PDE4B: variants seen among roughly 807,000 people sequenced by gnomAD.
PDE4B encodes 3',5'-cyclic-AMP phosphodiesterase 4B.
In PDE4B, 20 loss-of-function variants were observed where a neutral mutation model predicts 82.2. The observed-to-expected ratio is 0.24, with a 90% CI of 0.17 to 0.35. The LOEUF (loss-of-function observed/expected upper bound fraction) is 0.35, where lower values mean the gene tolerates loss of function less well. Ranked by LOEUF, PDE4B falls within the 10% of genes least tolerant of loss-of-function variation. PDE4B has a pLI of 1.00. For missense variants in PDE4B, 655 were observed against 907.2 expected (o/e 0.72, Z 3.57); for synonymous variants, 320 against 318.9 (o/e 1.00, Z -0.04).
chr1:65,961,232 A>G lies in PDE4B; in HGVS notation c.281+42397A>G, dbSNP rs1649527261. Among the ~76,000 whole-genome samples the G allele has an allele frequency of 4.6e-5, 7 of 152,270 alleles. No individual in the cohort carries two copies. In the South Asian group the frequency reaches 1.4e-3, roughly 32 times the overall value. On this transcript the variant is annotated intron_variant, in intron 3 of 16. Transcript: ENST00000341517. Reference sequence around the variant, plus strand: ...GTCCAAAAGCCTTCTTTGAAGAGGGAAAAAACTGAGCAAAGACTTGAATGA... The same window carrying G: ...GTCCAAAAGCCTTCTTTGAAGAGGGGAAAAACTGAGCAAAGACTTGAATGA...
At chr1:66,173,912 G>A (rs1016109915) in intron 3 of PDE4B, among the ~76,000 whole-genome samples, 1 of 151,978 alleles carries the variant, frequency 6.6e-6, no homozygotes, top group African/African-American at 2.4e-5. Flanking sequence ...TCAGCCTCCT[G>A]AGTAGCAGGA....
chr1:66,189,434 A>G (rs1314182410), intron 3 of PDE4B, among the ~76,000 whole-genome samples: 1 of 152,186 alleles, frequency 6.6e-6, no homozygotes, highest in Non-Finnish European at 1.5e-5. Flanking sequence ...GTGTTTTCCA[A>G]CTTGGTTCCA....
intron 3 of PDE4B, among the ~76,000 whole-genome samples, chr1:65,945,797 T>G (rs1648683509): frequency 6.6e-6 from 1 of 151,964 alleles, no homozygotes; most frequent in African/African-American, 2.4e-5. Flanking sequence ...CTGCAGTGGA[T>G]TCTGTCTGGT....
In PDE4B at chr1:65,798,452, G is replaced by A. The variant is rs1431661354; in HGVS notation, c.-71+5204G>A. Among the ~76,000 whole-genome samples, 2 of 88,022 alleles carry A rather than the reference G, an allele frequency of 2.3e-5. 1 individual carries two copies. The highest frequency in any genetic ancestry group is 1.7e-4 in the African/African-American group (2 of 11,960). The allele number at this position is 88,022 out of a possible 152,430, so 57.7% of individuals were successfully genotyped here. On this transcript the variant is annotated intron_variant, in intron 1 of 16. Coordinates refer to ENST00000341517, the MANE Select transcript of PDE4B (RefSeq NM_002600.4). The stretch of plus-strand genomic sequence containing the variant: ...TTTTTGTATTTTTAGTAGAGACGGG[G>A]TTTCACCTTGTTAGCCAGGATGGTC...
chr1:66,242,502 T>C (rs1321792911), intron 3 of PDE4B, among the ~76,000 whole-genome samples: 1 of 152,206 alleles, frequency 6.6e-6, no homozygotes, highest in Non-Finnish European at 1.5e-5. Flanking sequence ...AATGACTAAG[T>C]TGCGAAAGAA....
At chr1:66,047,613 T>G (rs1332940254) in intron 3 of PDE4B, among the ~76,000 whole-genome samples, 2 of 150,904 alleles carry the variant, frequency 1.3e-5, no homozygotes, top group African/African-American at 4.9e-5. Flanking sequence ...ATTTTAGAGG[T>G]GGCAGAAAGT....
intron 3 of PDE4B, among the ~76,000 whole-genome samples, chr1:66,123,773 C>G (rs929137050): frequency 3.9e-5 from 6 of 152,120 alleles, no homozygotes; most frequent in African/African-American, 1.2e-4. Flanking sequence ...TTTCAAAATA[C>G]GTAGAAGAAT....
chr1:66,040,118 C>T (rs887333404), intron 3 of PDE4B, among the ~76,000 whole-genome samples: 1 of 152,006 alleles, frequency 6.6e-6, no homozygotes. Flanking sequence ...ACTGGTTACT[C>T]AGGATTCTAT....
chr1:65,845,918 A>G (rs1361414656), intron 1 of PDE4B, among the ~76,000 whole-genome samples: 1 of 152,172 alleles, frequency 6.6e-6, no homozygotes, highest in East Asian at 1.9e-4. Context: ...AGAATAGGGA[A>G]GTAAATTACC....
chr1:66,229,018 T>C (rs1211294826), intron 3 of PDE4B, among the ~76,000 whole-genome samples: 1 of 149,624 alleles, frequency 6.7e-6, no homozygotes, highest in Non-Finnish European at 1.5e-5. Context: ...CCCCAGAGGC[T>C]TTTTTTTGAG....
At chr1:65,835,287 C>CTA (rs1646128032) in intron 1 of PDE4B, among the ~76,000 whole-genome samples, 1 of 152,116 alleles carries the variant, frequency 6.6e-6, no homozygotes, top group South Asian at 2.1e-4. Flanking sequence ...AATCATCCCT[C>CTA]TCTGTTCTCC....
At chr1:66,337,294 A>C (rs1346122476) in intron 8 of PDE4B, among the ~76,000 whole-genome samples, 2 of 152,144 alleles carry the variant, frequency 1.3e-5, no homozygotes, top group African/African-American at 4.8e-5. Context: ...GGAAGTAAGG[A>C]GTTGGCCGGG....
chr1:66,365,129 A>G (rs544292030), intron 12 of PDE4B, among the ~76,000 whole-genome samples: 1 of 152,280 alleles, frequency 6.6e-6, no homozygotes, highest in South Asian at 2.1e-4. Context: ...TCCCCTAGTA[A>G]GTGATTAGTG....
intron 3 of PDE4B, among the ~76,000 whole-genome samples, chr1:65,975,975 C>A (rs1475697056): frequency 6.6e-6 from 1 of 152,220 alleles, no homozygotes; most frequent in Non-Finnish European, 1.5e-5. Flanking sequence ...GAAGCTCCCA[C>A]ACAGAGTCCC....
chr1:65,931,232 C>T (rs903400422), intron 3 of PDE4B, among the ~76,000 whole-genome samples: 16 of 152,210 alleles, frequency 1.1e-4, no homozygotes, highest in Admixed American at 3.9e-4. Flanking sequence ...GAAGCAGAAG[C>T]AGCTATGCTT....
chr1:65,830,911 A>G (rs76196365), intron 1 of PDE4B, among the ~76,000 whole-genome samples: 4,643 of 152,218 alleles, frequency 0.031, 177 homozygotes, highest in East Asian at 0.13. Context: ...GTACAAAATA[A>G]TTCTCTGAAT....
At chr1:65,848,649 T>C (rs769625394) in intron 1 of PDE4B, among the ~76,000 whole-genome samples, 6 of 152,232 alleles carry the variant, frequency 3.9e-5, no homozygotes, top group Non-Finnish European at 8.8e-5. Flanking sequence ...ATATACTCTT[T>C]TGTGGCTGGC....
In PDE4B at chr1:66,247,586, C is replaced by T. The variant is rs1464248520; in HGVS notation, c.408C>T (p.Tyr136=). Residue 136 remains tyrosine, a synonymous_variant, in exon 4 of 17, where the codon TAC becomes TAT. Transcript: ENST00000341517. The stretch of plus-strand genomic sequence containing the variant: ...GCCAGCGCAGAGAGTCATTTCTCTA[C>T]AGATCAGACAGCGACTATGACTTGT... ...GHSQRRESFL[Y]RSDSDYDLSP... 7 of 1,610,798 alleles carry T rather than the reference C, an allele frequency of 4.3e-6. No homozygotes were observed. The highest frequency in any genetic ancestry group is 1.1e-5 in the South Asian group (1 of 90,730).
At chr1:65,855,187 T>C (rs1646378908) in intron 1 of PDE4B, among the ~76,000 whole-genome samples, 1 of 151,436 alleles carries the variant, frequency 6.6e-6, no homozygotes, top group Non-Finnish European at 1.5e-5. Flanking sequence ...TTTCTGCCAT[T>C]TCAGGGTTGG....
Sources: gnomAD v4.1 joint callset for allele counts (sites outside exome capture counted in the v4.1 genomes callset) on GRCh38, gnomAD v4.1.1 for gene constraint, MANE v1.5 for transcripts, NCBI Gene and HGNC (gene_info 2026-07-23, HGNC 2026-07-21) for gene names.